Variants in PLXNC1 observed in about 807,000 individuals in gnomAD.
The protein encoded by PLXNC1 is plexin-C1.
A neutral mutation model predicts 178.2 loss-of-function variants in PLXNC1; 75 were observed. The ratio of observed to expected loss-of-function variants is 0.42; its 90% CI spans 0.35 to 0.51. The LOEUF is 0.51. Among genes scored for constraint, PLXNC1 ranks in the 20% least tolerant of loss-of-function variants. The probability of loss-of-function intolerance (pLI) is 0.02; values close to 1 mark genes in which losing one functional copy is unlikely to be tolerated. For synonymous variants in PLXNC1, 790 were observed against 779.9 expected (o/e 1.01, Z -0.22); for missense variants, 1,503 against 1,984.4 (o/e 0.76, Z 4.61).
chr12:94,245,490 AG>A, intron 12 of PLXNC1, among the ~76,000 whole-genome samples: 1 of 147,430 alleles, frequency 6.8e-6, no homozygotes, highest in South Asian at 2.3e-4. Flanking sequence ...AGACCAGCCT[AG>A]GCAACATAGT....
Position 94,254,888 on chromosome 12 carries a change from G to T in PLXNC1, c.2983G>T (p.Gly995Cys). 1.2e-6 allele frequency: 2 copies of T among 1,605,244 alleles called. No individual in the cohort carries two copies. Among genetic ancestry groups the T allele is most frequent in the Non-Finnish European group, 1.7e-6 (2 of 1,174,734 alleles). Reference sequence around the variant, plus strand: ...CGAGCTCCGGAAAGAGATACGTGACGGTAGGCTCCAAAATTGTGTTTGTAG... The same window carrying T: ...CGAGCTCCGGAAAGAGATACGTGACTGTAGGCTCCAAAATTGTGTTTGTAG... ...ESELRKEIRD[G>C]FAELQMDKLD... The change falls in exon 16 of 31, where the codon GGC (glycine) becomes TGC (cysteine). Residue 995 changes from glycine (G) to cysteine (C), a missense_variant and splice_region_variant. Physicochemically the swap from Gly to Cys is radical, Grantham distance 159. This residue lies in a region of PLXNC1 where 639 missense variants were observed against 979.7 expected (regional missense o/e 0.65). Coordinates refer to ENST00000258526, the MANE Select transcript of PLXNC1 (RefSeq NM_005761.3).
At chr12:94,244,307 G>A (rs1347862080) in intron 12 of PLXNC1, among the ~76,000 whole-genome samples, 1 of 152,154 alleles carries the variant, frequency 6.6e-6, no homozygotes, top group Non-Finnish European at 1.5e-5. Context: ...CCCTAATGAG[G>A]CAATGCTTAT....
chr12:94,165,806 T>G (rs2135935758), intron 1 of PLXNC1, among the ~76,000 whole-genome samples: 1 of 152,178 alleles, frequency 6.6e-6, no homozygotes, highest in South Asian at 2.1e-4. Flanking sequence ...TTTGTATCCT[T>G]CATCTTGAAT....
At chr12:94,182,465 C>T (rs1044743615) in intron 3 of PLXNC1, among the ~76,000 whole-genome samples, 1 of 146,576 alleles carries the variant, frequency 6.8e-6, no homozygotes, top group Non-Finnish European at 1.5e-5. Context: ...GTGGCTCACA[C>T]CTATAATCCT....
chr12:94,172,874 A>G (rs1435305773), intron 2 of PLXNC1, among the ~76,000 whole-genome samples: 1 of 152,214 alleles, frequency 6.6e-6, no homozygotes, highest in Non-Finnish European at 1.5e-5. Flanking sequence ...TAAAGGCTAC[A>G]GTATGCCAGT....
At chr12:94,173,356 AAAGT>A (rs1414789914) in intron 2 of PLXNC1, among the ~76,000 whole-genome samples, 3 of 152,238 alleles carry the variant, frequency 2.0e-5, no homozygotes, top group Non-Finnish European at 4.4e-5. Context: ...TCCAGGTGGT[AAAGT>A]AAGTAATAAC....
At chr12:94,272,172 A>G (rs1965613538) in intron 21 of PLXNC1, 1 of 152,120 alleles carries the variant, frequency 6.6e-6, no homozygotes, top group African/African-American at 2.4e-5. Context: ...TCATTCCCAA[A>G]TCAATCAGGA....
Position 94,260,817 on chromosome 12 carries a change from G to A in PLXNC1, c.3427G>A (p.Val1143Ile), listed in dbSNP as rs148412407. The change falls in exon 20 of 31, where the codon GTC (valine) becomes ATC (isoleucine). Residue 1143 changes from valine to isoleucine, a missense_variant. Around this residue, in one of 4 missense-constraint regions of PLXNC1, gnomAD observed 639 missense variants for 979.7 expected, o/e 0.65. Coordinates refer to ENST00000258526, the MANE Select transcript of PLXNC1 (RefSeq NM_005761.3). This position sits in a 1 kb window ranked among gnomAD's most constrained non-coding sequence, Gnocchi z 4.4. Reference protein sequence around the residue: ...VEKLLTNWMSVCLSGFLRETV... With the variant: ...VEKLLTNWMSICLSGFLRETV... ...AAAACTCCTCACAAACTGGATGTCC[G>A]TCTGCCTTTCTGGATTTCTCCGGGT... is the stretch of plus-strand genomic sequence containing the variant. 81 of 1,614,098 alleles carry A rather than the reference G, an allele frequency of 5.0e-5. 2 individuals carry two copies. In the Admixed American group the frequency reaches 8.2e-4, roughly 16 times the overall value.
chr12:94,150,360 C>T (rs941317231), intron 1 of PLXNC1, among the ~76,000 whole-genome samples: 4 of 152,230 alleles, frequency 2.6e-5, no homozygotes, highest in Non-Finnish European at 5.9e-5. Context: ...TGAGTCTCCT[C>T]GCGCAGCCCC....
intron 20 of PLXNC1, among the ~76,000 whole-genome samples, chr12:94,261,870 ATTTTT>A (rs914088020): frequency 6.6e-6 from 1 of 151,094 alleles, no homozygotes; most frequent in Non-Finnish European, 1.5e-5. Flanking sequence ...ATGCACAACA[ATTTTT>A]TTTTTAATTT....
chr12:94,237,580 G>T, intron 9 of PLXNC1, 84 bp from the exon 10 acceptor site: 2 of 1,166,492 alleles, frequency 1.7e-6, no homozygotes, highest in South Asian at 2.9e-5. Context: ...TGATTTCTTC[G>T]AACTGCAGCG....
intron 1 of PLXNC1, among the ~76,000 whole-genome samples, chr12:94,152,828 C>T (rs1379992445): frequency 2.0e-5 from 3 of 152,322 alleles, no homozygotes; most frequent in Non-Finnish European, 2.9e-5. Flanking sequence ...TCTCTTATCT[C>T]TTGTCACTGA....
At chr12:94,177,240 T>C (rs1407129259) in intron 2 of PLXNC1, among the ~76,000 whole-genome samples, 3 of 135,964 alleles carry the variant, frequency 2.2e-5, no homozygotes, top group Non-Finnish European at 3.1e-5. Flanking sequence ...CATATATATA[T>C]ATATATATAT....
chr12:94,173,043 T>A (rs1961904877), intron 2 of PLXNC1, among the ~76,000 whole-genome samples: 1 of 152,196 alleles, frequency 6.6e-6, no homozygotes, highest in Admixed American at 6.5e-5. Flanking sequence ...GTGAGTTATG[T>A]CTAGTCACCC....
chr12:94,187,292 T>C (rs1392467848), intron 4 of PLXNC1, among the ~76,000 whole-genome samples: 1 of 152,026 alleles, frequency 6.6e-6, no homozygotes, highest in African/African-American at 2.4e-5. Flanking sequence ...TGCTGAAGGC[T>C]GAACCAGGGG....
At position 94,157,778 on chromosome 12, in the gene PLXNC1, T is replaced by C. The variant is rs572084596; in HGVS notation, c.1062+7745T>C. 1.2e-4 allele frequency among the ~76,000 whole-genome samples: 18 copies of C among 152,324 alleles called. No individual in the cohort carries two copies. In the South Asian group the frequency reaches 1.5e-3, roughly 12 times the overall value. ...GTAAAGGGCCAGATCATCAATATTTTCGGCTTTGCAGGCTGCATACAGTCT... is the reference window on the plus strand; with the variant it reads ...GTAAAGGGCCAGATCATCAATATTTCCGGCTTTGCAGGCTGCATACAGTCT... On this transcript the variant is annotated intron_variant, in intron 1 of 30. Transcript: ENST00000258526.
chr12:94,184,518 G>A (rs988638418), intron 3 of PLXNC1, among the ~76,000 whole-genome samples: 5 of 152,108 alleles, frequency 3.3e-5, no homozygotes, highest in Admixed American at 1.3e-4. Context: ...CACCTCCTGA[G>A]TTCAAGAGAT....
intron 6 of PLXNC1, among the ~76,000 whole-genome samples, chr12:94,221,373 G>A (rs1963790968): frequency 6.6e-6 from 1 of 152,070 alleles, no homozygotes. Flanking sequence ...CTACTGGAGG[G>A]TCCAGGTGAG....
chr12:94,240,397 C>A, intron 10 of PLXNC1, 88 bp from the exon 11 acceptor site: 1 of 1,000,006 alleles, frequency 1.0e-6, no homozygotes, highest in South Asian at 1.5e-5. Flanking sequence ...TGTTGTAGTT[C>A]AAGTGAAATT....
Sources: allele counts gnomAD v4.1 joint callset (sites outside exome capture counted in the v4.1 genomes callset), GRCh38; gene constraint gnomAD v4.1.1; regional missense constraint gnomAD v4.1.1; non-coding constraint Gnocchi (gnomAD v3.1); transcripts MANE v1.5; gene names NCBI Gene and HGNC (gene_info 2026-07-23, HGNC 2026-07-21).